The following UBASH3B variants were observed in gnomAD, a reference collection of about 807,000 sequenced individuals.
The protein encoded by UBASH3B is ubiquitin-associated and SH3 domain-containing protein B.
A neutral mutation model predicts 83.4 loss-of-function variants in UBASH3B; 37 were observed. That is an observed-to-expected ratio of 0.44 (90% CI 0.34 to 0.58). The LOEUF is 0.58. Ranked by LOEUF, UBASH3B falls within the 20% of genes least tolerant of loss-of-function variation. The probability of loss-of-function intolerance (pLI) is 0.01; values close to 1 mark genes in which losing one functional copy is unlikely to be tolerated. For missense variants in UBASH3B, 657 were observed against 827.2 expected (o/e 0.79, Z 2.52); for synonymous variants, 304 against 318.3 (o/e 0.96, Z 0.48).
At chr11:122,783,886 G>A (rs1306013424) in intron 5 of UBASH3B, among the ~76,000 whole-genome samples, 1 of 151,814 alleles carries the variant, frequency 6.6e-6, no homozygotes, top group Non-Finnish European at 1.5e-5. Context: ...TTCCTTTGAG[G>A]GAATCAACAT....
intron 1 of UBASH3B, among the ~76,000 whole-genome samples, chr11:122,703,502 C>T (rs1864075984): frequency 6.6e-6 from 1 of 151,974 alleles, no homozygotes; most frequent in Non-Finnish European, 1.5e-5. Context: ...TCAAATGATG[C>T]TTATTCCCTT....
chr11:122,705,960 C>T (rs1032711515), intron 1 of UBASH3B, among the ~76,000 whole-genome samples: 4 of 152,104 alleles, frequency 2.6e-5, no homozygotes, highest in South Asian at 2.1e-4. Context: ...ACAAGTCACA[C>T]GGAGGCACTG....
intron 1 of UBASH3B, among the ~76,000 whole-genome samples, chr11:122,671,697 T>A (rs1424107827): frequency 6.6e-6 from 1 of 152,160 alleles, no homozygotes; most frequent in Admixed American, 6.5e-5. Flanking sequence ...TACAGACCAG[T>A]GGAGCAGGAG....
At chr11:122,783,272 A>G in intron 5 of UBASH3B, 50 bp downstream of exon 5, 1 of 1,589,524 alleles carries the variant, frequency 6.3e-7, no homozygotes. Flanking sequence ...GGATGCAATC[A>G]GAATCAGCAG....
intron 1 of UBASH3B, among the ~76,000 whole-genome samples, chr11:122,742,669 A>C (rs780314195): frequency 6.6e-5 from 10 of 152,232 alleles, no homozygotes; most frequent in Non-Finnish European, 1.5e-4. Flanking sequence ...TATAGCACGA[A>C]GGGTTCCCTC....
chr11:122,690,305 C>CATAT (rs35794002), intron 1 of UBASH3B, among the ~76,000 whole-genome samples: 3 of 129,112 alleles, frequency 2.3e-5, no homozygotes, highest in Admixed American at 8.2e-5. Flanking sequence ...TCCAATTATA[C>CATAT]ATATATATAT....
intron 1 of UBASH3B, among the ~76,000 whole-genome samples, chr11:122,683,551 G>A (rs1002294862): frequency 1.3e-5 from 2 of 151,128 alleles, no homozygotes; most frequent in Non-Finnish European, 2.9e-5. Context: ...GTTGCAGTGA[G>A]CTGAGATTGC....
intron 1 of UBASH3B, among the ~76,000 whole-genome samples, chr11:122,670,199 GTA>G (rs57831990): frequency 1.0e-4 from 15 of 148,172 alleles, no homozygotes; most frequent in South Asian, 8.5e-4. Context: ...GTGTGTGTGT[GTA>G]TATACACTGC....
intron 1 of UBASH3B, among the ~76,000 whole-genome samples, chr11:122,723,015 A>G (rs1351020042): frequency 1.3e-5 from 2 of 152,068 alleles, no homozygotes; most frequent in African/African-American, 4.8e-5. Flanking sequence ...CAGACCTGGT[A>G]TTTCTTTCGC....
chr11:122,744,412 G>C (rs1212711078), intron 1 of UBASH3B, among the ~76,000 whole-genome samples: 1 of 152,160 alleles, frequency 6.6e-6, no homozygotes, highest in African/African-American at 2.4e-5. Context: ...CGTGTTGTGT[G>C]CATTTGAGCA....
chr11:122,711,256 C>G (rs943709852), intron 1 of UBASH3B, among the ~76,000 whole-genome samples: 2 of 152,258 alleles, frequency 1.3e-5, no homozygotes, highest in African/African-American at 4.8e-5. Context: ...TTGGGGGTCC[C>G]CCATCTCCTG....
At chr11:122,739,211 G>A (rs879363724) in intron 1 of UBASH3B, among the ~76,000 whole-genome samples, 1 of 152,186 alleles carries the variant, frequency 6.6e-6, no homozygotes, top group Non-Finnish European at 1.5e-5. Flanking sequence ...TGCCCAGACT[G>A]AGGAGTGGAA....
At chr11:122,715,547 C>T (rs374859855) in intron 1 of UBASH3B, among the ~76,000 whole-genome samples, 4 of 152,282 alleles carry the variant, frequency 2.6e-5, no homozygotes, top group South Asian at 4.1e-4. Context: ...AATGTGTCAC[C>T]AAAGAGACAC....
chr11:122,790,070 G>C (rs1422940915), intron 6 of UBASH3B, among the ~76,000 whole-genome samples: 1 of 152,202 alleles, frequency 6.6e-6, no homozygotes, highest in Admixed American at 6.5e-5. Flanking sequence ...TCTAGCCAGG[G>C]TCTGCATGCT....
intron 1 of UBASH3B, among the ~76,000 whole-genome samples, chr11:122,762,361 G>T (rs771122626): frequency 6.6e-6 from 1 of 152,148 alleles, no homozygotes; most frequent in Admixed American, 6.5e-5. Flanking sequence ...CAGGGATAGC[G>T]CTAGTGACTT....
Position 122,692,815 on chromosome 11 carries a change from G to A in UBASH3B, c.161+36605G>A, listed in dbSNP as rs1863912483. 2.6e-5 allele frequency among the ~76,000 whole-genome samples: 4 copies of A among 152,238 alleles called. No individual in the cohort carries two copies. In the South Asian group the frequency reaches 8.3e-4, roughly 31 times the overall value. On this transcript the variant is annotated intron_variant, in intron 1 of 13. Coordinates refer to ENST00000284273, the MANE Select transcript of UBASH3B (RefSeq NM_032873.5). ...CACATTCCTCCCTTCAAGGAGTTTA[G>A]AGACTGGTAGGGAGAGAAAGGACAA... is the stretch of plus-strand genomic sequence containing the variant.
chr11:122,716,515 A>T (rs1015403154), intron 1 of UBASH3B, among the ~76,000 whole-genome samples: 1 of 152,104 alleles, frequency 6.6e-6, no homozygotes, highest in East Asian at 1.9e-4. Flanking sequence ...TTAGCTTTTC[A>T]TCTCTGCCCC....
chr11:122,754,273 G>A (rs570763361), intron 1 of UBASH3B, among the ~76,000 whole-genome samples: 24 of 152,304 alleles, frequency 1.6e-4, no homozygotes, highest in Non-Finnish European at 2.2e-4. Context: ...AAGTGAAGAC[G>A]GATGTTTCAG....
rs1158873601 is a variant in UBASH3B at position 122,811,773 on chromosome 11, T to C, written c.*1887T>C. 4 of 152,148 alleles carry C rather than the reference T, an allele frequency of 2.6e-5. No homozygotes were observed. The highest frequency in any genetic ancestry group is 2.6e-4 in the Admixed American group (4 of 15,280). 9.4% of individuals were successfully genotyped at this position (152,148 alleles called of 1,614,324 possible). A position where few individuals can be genotyped will look rare whatever the true frequency, so the allele number is the denominator to read the frequency against. On this transcript the variant is annotated 3_prime_UTR_variant, in exon 14 of 14. Coordinates refer to ENST00000284273, the MANE Select transcript of UBASH3B (RefSeq NM_032873.5). ...ATAACCCTGTGATGATGTGTTAATA[T>C]AAAATGTTGGGAGGGAATATTCCCA...
Sources: gnomAD v4.1 joint callset for allele counts (sites outside exome capture counted in the v4.1 genomes callset) on GRCh38, gnomAD v4.1.1 for gene constraint, MANE v1.5 for transcripts, NCBI Gene and HGNC (gene_info 2026-07-23, HGNC 2026-07-21) for gene names.